AANAT: variants seen among roughly 807,000 people sequenced by gnomAD.
AANAT encodes the protein aralkylamine N-acetyltransferase.
AANAT carries 11 observed loss-of-function variants against 15.6 expected under a neutral mutation model. The ratio of observed to expected loss-of-function variants is 0.71; its 90% CI spans 0.44 to 1.17. The LOEUF (loss-of-function observed/expected upper bound fraction) is 1.17, where lower values mean the gene tolerates loss of function less well. AANAT is among the 50% of genes most tolerant of loss of function. The pLI is 0.00. For synonymous variants in AANAT, 139 were observed against 131.5 expected, an observed-to-expected ratio of 1.06 and a Z score of -0.39; for missense variants, 286 against 296.3, an observed-to-expected ratio of 0.97 and a Z score of 0.26.
At chr17:76,456,458 A>G (rs1048992905) in intron 1 of AANAT, among the ~76,000 whole-genome samples, 19 of 152,198 alleles carry the variant, frequency 1.2e-4, no homozygotes, top group African/African-American at 7.2e-5. Flanking sequence ...CAATGGACCC[A>G]AATCTTAGAA....
In AANAT at chr17:76,467,718, C is replaced by A. The variant is rs1277284254; in HGVS notation, c.-85C>A. 1 of 985,356 alleles carries A rather than the reference C, an allele frequency of 1.0e-6. No homozygotes were observed. The highest frequency in any genetic ancestry group is 1.2e-6 in the Non-Finnish European group (1 of 829,972). The allele number at this position is 985,356 out of a possible 1,614,324, so 61.0% of individuals were successfully genotyped here. On this transcript the variant is annotated 5_prime_UTR_variant, in exon 1 of 4. Transcript: ENST00000392492. ...TGGAGGGAACACTGGGTATCCTCTC[C>A]ACAGTCCAGGTAGGTGGGACCCCCA...
At chr17:76,456,851 A>T (rs2073347631) in intron 1 of AANAT, among the ~76,000 whole-genome samples, 2 of 152,150 alleles carry the variant, frequency 1.3e-5, no homozygotes, top group Admixed American at 1.3e-4. Flanking sequence ...TCATTTTACC[A>T]ATGAAGAAAT....
At chr17:76,462,933 G>A (rs540043161), upstream of AANAT, among the ~76,000 whole-genome samples, 44 of 152,354 alleles carry the variant, frequency 2.9e-4, 1 homozygote, top group South Asian at 8.1e-3. Flanking sequence ...ACATGGCCAT[G>A]GGGCCCACTC....
intron 1 of AANAT, among the ~76,000 whole-genome samples, chr17:76,458,271 T>C (rs1322615312): frequency 1.3e-5 from 2 of 152,186 alleles, no homozygotes; most frequent in Non-Finnish European, 2.9e-5. Flanking sequence ...GTGTCTTTTA[T>C]GGACCTCACT....
chr17:76,468,525 G>A (rs147699558), intron 1 of AANAT, 147 bp from the exon 2 acceptor site: 528 of 678,554 alleles, frequency 7.8e-4, no homozygotes, highest in Admixed American at 1.4e-3. Flanking sequence ...TAACAGCCTC[G>A]GGGACCAGGT....
upstream of AANAT, among the ~76,000 whole-genome samples, chr17:76,465,153 T>C (rs995947672): frequency 6.6e-6 from 1 of 152,012 alleles, no homozygotes; most frequent in African/African-American, 2.4e-5. Context: ...AGGTACGACT[T>C]GGGGGGCAAA....
At chr17:76,455,558 G>A (rs2143958775) in intron 1 of AANAT, among the ~76,000 whole-genome samples, 1 of 152,304 alleles carries the variant, frequency 6.6e-6, no homozygotes, top group South Asian at 2.1e-4. Flanking sequence ...ACAAGATCTG[G>A]CCCTAACCTT....
At chr17:76,461,705 G>A (rs186328153) in intron 2 of AANAT, among the ~76,000 whole-genome samples, 1 of 151,732 alleles carries the variant, frequency 6.6e-6, no homozygotes, top group Non-Finnish European at 1.5e-5. Context: ...GTGTCTGAGA[G>A]GTACAGGGAT....
chr17:76,468,472 G>C (rs2073464352), intron 1 of AANAT, 200 bp from the exon 2 acceptor site: 2 of 590,172 alleles, frequency 3.4e-6, no homozygotes, highest in South Asian at 4.4e-5. Context: ...TTCTGGCTGA[G>C]AGGGAAAGGT....
chr17:76,465,209 C>T (rs1384154300), upstream of AANAT, among the ~76,000 whole-genome samples: 1 of 152,130 alleles, frequency 6.6e-6, no homozygotes, highest in African/African-American at 2.4e-5. Context: ...GAGAGGCAGT[C>T]ACCAGAGGCG....
At chr17:76,466,683 A>T (rs568006800), upstream of AANAT, among the ~76,000 whole-genome samples, 9 of 152,166 alleles carry the variant, frequency 5.9e-5, no homozygotes, top group Admixed American at 5.9e-4. Flanking sequence ...AGGTTACTGA[A>T]CCTGTCTGTG....
intron 2 of AANAT, among the ~76,000 whole-genome samples, chr17:76,460,884 GC>G (rs1204137282): frequency 6.6e-6 from 1 of 152,172 alleles, no homozygotes; most frequent in East Asian, 1.9e-4. Flanking sequence ...AAGACTCTGG[GC>G]CGGGCGTGGT....
rs2143982447 is a variant in AANAT at position 76,469,205 on chromosome 17, T to G, written c.196T>G (p.Tyr66Asp). The G allele has an allele frequency of 3.7e-6, 6 of 1,614,178 alleles. No individual in the cohort carries two copies. The highest frequency in any genetic ancestry group is 5.1e-6 in the Non-Finnish European group (6 of 1,180,038). The change falls in exon 3 of 4, where the codon TAC becomes GAC. Residue 66 changes from tyrosine (Y) to aspartate (D), a missense_variant. Coordinates refer to ENST00000392492, the MANE Select transcript of AANAT (RefSeq NM_001088.3). This position sits in a 1 kb window ranked among gnomAD's most constrained non-coding sequence, Gnocchi z 5.2. ...FISVLGVCPLYLDEIRHFLTL... is the reference protein window; with the variant it reads ...FISVLGVCPLDLDEIRHFLTL... ...CTCCGTCTTGGGCGTCTGCCCCCTG[T>G]ACCTGGATGAGATCCGGCACTTCCT...
chr17:76,465,537 A>G (rs939011472), upstream of AANAT, among the ~76,000 whole-genome samples: 2 of 151,566 alleles, frequency 1.3e-5, no homozygotes, highest in African/African-American at 4.8e-5. Flanking sequence ...GGGTCTTGCT[A>G]TGTTGCCCAG....
intron 2 of AANAT, chr17:76,462,281 G>C (rs1297792328): frequency 6.6e-6 from 1 of 152,214 alleles, no homozygotes; most frequent in Admixed American, 6.5e-5. Context: ...GATAAGGAAC[G>C]TGTGTTGGTA....
At chr17:76,453,395 A>C in exon 1 of AANAT, 4 of 294,466 alleles carry the variant, frequency 1.4e-5, no homozygotes, top group Non-Finnish European at 2.5e-5. Flanking sequence ...GATTCAACTA[A>C]AGGGAGCGAG....
upstream of AANAT, among the ~76,000 whole-genome samples, chr17:76,465,090 C>T (rs2073424618): frequency 6.6e-6 from 1 of 152,166 alleles, no homozygotes; most frequent in South Asian, 2.1e-4. Context: ...AGCCACCGTG[C>T]CCGGCCTTGC....
intron 2 of AANAT, among the ~76,000 whole-genome samples, chr17:76,460,044 C>T (rs1165303614): frequency 6.6e-6 from 1 of 150,750 alleles, no homozygotes; most frequent in Non-Finnish European, 1.5e-5. Flanking sequence ...CTTTCATAAA[C>T]TGATCTGATC....
intron 1 of AANAT, among the ~76,000 whole-genome samples, chr17:76,457,902 G>A (rs2073354982): frequency 6.6e-6 from 1 of 152,318 alleles, no homozygotes; most frequent in Non-Finnish European, 1.5e-5. Context: ...CAGGCTTGGT[G>A]GCGGGCGCCT....
Sources: gnomAD v4.1 joint callset for allele counts (sites outside exome capture counted in the v4.1 genomes callset) on GRCh38, gnomAD v4.1.1 for gene constraint, Gnocchi (gnomAD v3.1) non-coding constraint, MANE v1.5 for transcripts, NCBI Gene and HGNC (gene_info 2026-07-23, HGNC 2026-07-21) for gene names.